ZFAND3: variants seen among roughly 807,000 people sequenced by gnomAD.
ZFAND3 encodes the protein zinc finger AN1-type containing 3, also known as AN1-type zinc finger protein 3.
A neutral mutation model predicts 29.6 loss-of-function variants in ZFAND3; 10 were observed. That is an observed-to-expected ratio of 0.34 (90% confidence interval 0.21 to 0.57). ZFAND3 has a LOEUF of 0.57. Among genes scored for constraint, ZFAND3 ranks in the 20% least tolerant of loss-of-function variants. The pLI, the probability that ZFAND3 is intolerant of heterozygous loss-of-function variation, is 0.86. For missense variants in ZFAND3, 230 were observed against 304.5 expected (o/e 0.76, Z 1.82); for synonymous variants, 128 against 112.6 (o/e 1.14, Z -0.87).
intron 5 of ZFAND3, among the ~76,000 whole-genome samples, chr6:38,128,806 C>T (rs1055889531): frequency 6.6e-6 from 1 of 152,182 alleles, no homozygotes; most frequent in African/African-American, 2.4e-5. Flanking sequence ...CATAAACATC[C>T]ATGTGCAAGT....
intron 3 of ZFAND3, among the ~76,000 whole-genome samples, chr6:38,071,586 G>C (rs570239363): frequency 7.9e-5 from 12 of 152,120 alleles, no homozygotes; most frequent in African/African-American, 2.9e-4. Context: ...TTTATAGTAT[G>C]TATCAGTAGC....
chr6:38,071,683 A>G (rs1351233130), intron 3 of ZFAND3, among the ~76,000 whole-genome samples: 2 of 152,130 alleles, frequency 1.3e-5, no homozygotes, highest in African/African-American at 4.8e-5. Context: ...ATAAAGGAAT[A>G]TAGTTTGTCT....
At position 37,931,730 on chromosome 6, in the gene ZFAND3, G is replaced by A. The variant is rs544010160; in HGVS notation, c.112+1731G>A. ...GGAGGCTGGCTAGATTTTTATTAAAGAGATTTTTTTTGTTGTTGTTAATTT... is the reference window on the plus strand; with the variant it reads ...GGAGGCTGGCTAGATTTTTATTAAAAAGATTTTTTTTGTTGTTGTTAATTT... On this transcript the variant is annotated intron_variant, in intron 2 of 5. Coordinates refer to ENST00000287218, the MANE Select transcript of ZFAND3 (RefSeq NM_021943.3). Among the ~76,000 whole-genome samples the A allele has an allele frequency of 6.6e-5, 10 of 152,178 alleles. No homozygotes were observed. The South Asian group carries it at 1.7e-3, about 25-fold the overall frequency.
chr6:38,045,629 T>C (rs932027029), intron 2 of ZFAND3, among the ~76,000 whole-genome samples: 1 of 152,214 alleles, frequency 6.6e-6, no homozygotes, highest in Non-Finnish European at 1.5e-5. Flanking sequence ...CTCAAATGTT[T>C]ATGAAATCTC....
chr6:38,127,969 A>G (rs925954218), intron 5 of ZFAND3, among the ~76,000 whole-genome samples: 3 of 152,026 alleles, frequency 2.0e-5, no homozygotes, highest in African/African-American at 7.3e-5. Context: ...AAGTACCCAC[A>G]TTTCTTGGTC....
chr6:37,887,334 A>G (rs575558034), intron 1 of ZFAND3, among the ~76,000 whole-genome samples: 32 of 152,324 alleles, frequency 2.1e-4, no homozygotes, highest in African/African-American at 7.0e-4. Context: ...TAAATATGTA[A>G]TAATCTTGAC....
chr6:37,918,985 G>T (rs1761321818), intron 1 of ZFAND3, among the ~76,000 whole-genome samples: 1 of 102,840 alleles, frequency 9.7e-6, no homozygotes, highest in African/African-American at 4.1e-5. Flanking sequence ...ACGGAGTCTC[G>T]CTCTGTTGCC....
At chr6:38,151,872 G>A (rs1007896500) in intron 5 of ZFAND3, among the ~76,000 whole-genome samples, 3 of 152,010 alleles carry the variant, frequency 2.0e-5, no homozygotes, top group African/African-American at 4.8e-5. Flanking sequence ...CAGTTTGCCC[G>A]AGCCAAGCAG....
intron 4 of ZFAND3, among the ~76,000 whole-genome samples, chr6:38,094,457 G>C (rs1187111897): frequency 1.3e-5 from 2 of 152,158 alleles, no homozygotes; most frequent in African/African-American, 2.4e-5. Flanking sequence ...TAATAACTTG[G>C]ATATGATCCT....
chr6:37,918,066 T>G (rs1203818124), intron 1 of ZFAND3, among the ~76,000 whole-genome samples: 5 of 152,088 alleles, frequency 3.3e-5, no homozygotes, highest in African/African-American at 9.7e-5. Context: ...TAGAAGTCTT[T>G]TTTTGTTTTG....
At chr6:37,953,413 G>A (rs1024432071) in intron 2 of ZFAND3, among the ~76,000 whole-genome samples, 1 of 139,258 alleles carries the variant, frequency 7.2e-6, no homozygotes. Context: ...TGCTACTGTT[G>A]TCATACGTTT....
At chr6:38,086,979 G>T (rs1764770356) in intron 4 of ZFAND3, among the ~76,000 whole-genome samples, 1 of 152,002 alleles carries the variant, frequency 6.6e-6, no homozygotes, top group African/African-American at 2.4e-5. Context: ...CCTCAAACTG[G>T]CATAAAAAGA....
intron 2 of ZFAND3, among the ~76,000 whole-genome samples, chr6:37,960,836 T>G (rs1455882074): frequency 6.6e-6 from 1 of 151,920 alleles, no homozygotes; most frequent in Admixed American, 6.6e-5. Context: ...CCCCAGCACT[T>G]TGGGAAGCCG....
At chr6:37,968,219 C>G (rs1762324933) in intron 2 of ZFAND3, among the ~76,000 whole-genome samples, 1 of 152,020 alleles carries the variant, frequency 6.6e-6, no homozygotes, top group African/African-American at 2.4e-5. Flanking sequence ...ACAAGTTTTA[C>G]TATTCTGTAG....
chr6:38,111,458 C>A (rs1375579693), intron 4 of ZFAND3, among the ~76,000 whole-genome samples: 1 of 152,192 alleles, frequency 6.6e-6, no homozygotes, highest in African/African-American at 2.4e-5. Flanking sequence ...TGGGTTTCAA[C>A]TGTGCAGGTC....
At chr6:38,008,729 G>A (rs375877420) in intron 2 of ZFAND3, among the ~76,000 whole-genome samples, 1 of 150,804 alleles carries the variant, frequency 6.6e-6, no homozygotes, top group South Asian at 2.1e-4. Flanking sequence ...CTATCCTTAC[G>A]CAGGATTGTT....
intron 1 of ZFAND3, among the ~76,000 whole-genome samples, chr6:37,920,002 A>G (rs1761344210): frequency 1.4e-5 from 2 of 146,094 alleles, no homozygotes; most frequent in Admixed American, 1.4e-4. Context: ...TTCCCTGGGC[A>G]TGACTGCATA....
chr6:38,073,527 C>A (rs192649002), intron 3 of ZFAND3, among the ~76,000 whole-genome samples: 6 of 152,110 alleles, frequency 3.9e-5, no homozygotes, highest in Admixed American at 3.3e-4. Flanking sequence ...ATTTTGTATT[C>A]GTATTAAATA....
chr6:38,065,199 C>G (rs1283800403), intron 3 of ZFAND3, among the ~76,000 whole-genome samples: 1 of 151,880 alleles, frequency 6.6e-6, no homozygotes, highest in Non-Finnish European at 1.5e-5. Context: ...ACCTGTAGTC[C>G]CAGCTACTCG....
Sources: gnomAD v4.1 joint callset for allele counts (sites outside exome capture counted in the v4.1 genomes callset) on GRCh38, gnomAD v4.1.1 for gene constraint, MANE v1.5 for transcripts, NCBI Gene and HGNC (gene_info 2026-07-23, HGNC 2026-07-21) for gene names.